MED13: variants seen among roughly 807,000 people sequenced by gnomAD.
MED13 encodes the protein mediator of RNA polymerase II transcription subunit 13.
In MED13, 23 loss-of-function variants were observed where a neutral mutation model predicts 225.2. That is an observed-to-expected ratio of 0.10 (90% CI 0.07 to 0.14). The LOEUF (loss-of-function observed/expected upper bound fraction) is 0.14, where lower values mean the gene tolerates loss of function less well. MED13 is among the 10% of genes least tolerant of loss of function. The probability of loss-of-function intolerance (pLI) is 1.00; values close to 1 mark genes in which losing one functional copy is unlikely to be tolerated. For missense variants in MED13, 2,197 were observed against 2,594.5 expected (o/e 0.85, Z 3.33); for synonymous variants, 942 against 889.2 (o/e 1.06, Z -1.06).
At chr17:61,969,420 A>C (rs941327205) in intron 17 of MED13, among the ~76,000 whole-genome samples, 5 of 152,124 alleles carry the variant, frequency 3.3e-5, no homozygotes, top group Admixed American at 1.3e-4. Flanking sequence ...TCATGCCTGT[A>C]ATCTCAGCAC....
chr17:61,950,710 C>T, intron 28 of MED13, 115 bp downstream of exon 28: 1 of 1,028,624 alleles, frequency 9.7e-7, no homozygotes, highest in Non-Finnish European at 1.4e-6. Flanking sequence ...TCACATATGG[C>T]AGTGCATTTA....
chr17:61,979,006 C>T (rs939416010), intron 16 of MED13, among the ~76,000 whole-genome samples: 1 of 152,186 alleles, frequency 6.6e-6, no homozygotes, highest in African/African-American at 2.4e-5. Context: ...TTCTCCCTAT[C>T]CCTATCTCTT....
intron 23 of MED13, among the ~76,000 whole-genome samples, chr17:61,960,018 C>T (rs1363291633): frequency 1.3e-5 from 2 of 152,012 alleles, no homozygotes; most frequent in African/African-American, 2.4e-5. Flanking sequence ...GGAGCCACCA[C>T]GTCTGGCCAG....
At chr17:62,038,438 T>A (rs997544673) in intron 3 of MED13, among the ~76,000 whole-genome samples, 6 of 152,062 alleles carry the variant, frequency 3.9e-5, no homozygotes, top group African/African-American at 1.4e-4. Flanking sequence ...AAAATAATTT[T>A]AAAAATTATT....
chr17:62,003,116 A>G (rs1387086791), intron 9 of MED13, among the ~76,000 whole-genome samples: 4 of 152,314 alleles, frequency 2.6e-5, no homozygotes, highest in Admixed American at 1.3e-4. Context: ...ACAGAACAAT[A>G]ATTCCAGGAA....
At chr17:62,004,887 A>T (rs960296950) in intron 9 of MED13, 3 of 148,090 alleles carry the variant, frequency 2.0e-5, no homozygotes, top group African/African-American at 7.6e-5. Context: ...TGTTTCTAAG[A>T]CATCATTTAC....
chr17:61,970,392 T>C (rs1411573753), intron 17 of MED13, among the ~76,000 whole-genome samples: 4 of 151,944 alleles, frequency 2.6e-5, no homozygotes, highest in African/African-American at 7.2e-5. Flanking sequence ...CAAACTGATA[T>C]TACAGGGGCT....
At chr17:62,034,035 A>G (rs781728721) in intron 4 of MED13, 51 bp from the exon 5 acceptor site, 8 of 1,489,460 alleles carry the variant, frequency 5.4e-6, no homozygotes, top group Non-Finnish European at 1.9e-6. Flanking sequence ...TGTTTTACCA[A>G]ATAAGAACAC....
At chr17:61,963,525 T>C (rs944009676) in intron 20 of MED13, among the ~76,000 whole-genome samples, 5 of 152,244 alleles carry the variant, frequency 3.3e-5, no homozygotes, top group African/African-American at 1.2e-4. Context: ...AGGTTGGTCT[T>C]GAACTCTTGG....
At chr17:62,018,940 T>C (rs1320958065) in intron 8 of MED13, among the ~76,000 whole-genome samples, 1 of 152,044 alleles carries the variant, frequency 6.6e-6, no homozygotes, top group Non-Finnish European at 1.5e-5. Flanking sequence ...ATGCATGATG[T>C]TACAAAATCG....
In MED13 at chr17:61,970,679, C is replaced by CAAA. The variant is rs10600340; in HGVS notation, c.3967+2045_3967+2047dup. 3.5e-3 allele frequency among the ~76,000 whole-genome samples: 162 copies of CAAA among 46,864 alleles called. 6 individuals are homozygous for CAAA. Among genetic ancestry groups the CAAA allele is most frequent in the African/African-American group, 0.01 (118 of 11,662 alleles). 30.7% of individuals were successfully genotyped at this position (46,864 alleles called of 152,430 possible). A position where few individuals can be genotyped will look rare whatever the true frequency, so the allele number is the denominator to read the frequency against. ...TCTGGGCAAGAGAGTGAGACTGTCT[C>CAAA]AAAAAAAAAAAAAAAAAAAAAAAAG... On this transcript the variant is annotated intron_variant, in intron 17 of 29. Coordinates refer to ENST00000397786, the MANE Select transcript of MED13 (RefSeq NM_005121.3).
chr17:61,955,348 T>C (rs1392422975), intron 26 of MED13, 34 bp downstream of exon 26: 1 of 1,456,920 alleles, frequency 6.9e-7, no homozygotes, highest in African/African-American at 1.4e-5. Flanking sequence ...TGGGGGGTAT[T>C]CTTCAGACTA....
chr17:61,970,055 T>C lies in MED13; in HGVS notation c.3968-1797A>G, dbSNP rs375065469. Among the ~76,000 whole-genome samples, 20 of 152,132 alleles carry C rather than the reference T, an allele frequency of 1.3e-4. 1 individual carries two copies. In the East Asian group the frequency reaches 1.3e-3, roughly 10 times the overall value. On this transcript the variant is annotated intron_variant, in intron 17 of 29. Transcript: ENST00000397786. ...TAAAAAAGCAATTTAAAATTAATAA[T>C]AGCAAACAATGATAATTCTATGTGC...
intron 1 of MED13, among the ~76,000 whole-genome samples, chr17:62,063,503 C>T (rs2081057974): frequency 6.6e-6 from 1 of 152,130 alleles, no homozygotes; most frequent in Non-Finnish European, 1.5e-5. Flanking sequence ...AAAATTACCA[C>T]CACCATGTCA....
At chr17:62,013,790 C>T (rs2080534502) in intron 8 of MED13, among the ~76,000 whole-genome samples, 1 of 152,162 alleles carries the variant, frequency 6.6e-6, no homozygotes. Context: ...CCTGTAATCC[C>T]AGCACTTTGG....
At chr17:62,018,856 A>G (rs530314573) in intron 8 of MED13, among the ~76,000 whole-genome samples, 3 of 152,310 alleles carry the variant, frequency 2.0e-5, no homozygotes, top group Admixed American at 6.5e-5. Context: ...ATATTTAGAG[A>G]TGAGTATATA....
chr17:61,950,757 T>C lies in MED13; in HGVS notation c.6291+68A>G, dbSNP rs373942821. The C allele has an allele frequency of 6.7e-6, 10 of 1,483,740 alleles. 1 individual carries two copies. In the African/African-American group the frequency reaches 7.0e-5, roughly 10 times the overall value. The allele number at this position is 1,483,740 out of a possible 1,614,324, so 91.9% of individuals were successfully genotyped here. ...AAGCTATAAGACTTAAAAAAGCCAC[T>C]TCTATATTTCTCAGGACTTAGGCTG... On this transcript the variant is annotated intron_variant, in intron 28 of 29. Transcript: ENST00000397786.
intron 22 of MED13, 118 bp downstream of exon 22, chr17:61,961,470 A>C: frequency 1.1e-6 from 1 of 879,210 alleles, no homozygotes; most frequent in Non-Finnish European, 1.7e-6. Context: ...TGGTGAGCTG[A>C]GATTGCCCCA....
At chr17:62,062,489 G>C (rs1603410816) in intron 2 of MED13, among the ~76,000 whole-genome samples, 1 of 152,052 alleles carries the variant, frequency 6.6e-6, no homozygotes, top group East Asian at 1.9e-4. Context: ...AACAGTATAT[G>C]AGTCACTTTC....
Sources: allele counts gnomAD v4.1 joint callset (sites outside exome capture counted in the v4.1 genomes callset), GRCh38; gene constraint gnomAD v4.1.1; transcripts MANE v1.5; gene names NCBI Gene and HGNC (gene_info 2026-07-23, HGNC 2026-07-21).